UST: variants seen among roughly 807,000 people sequenced by gnomAD.
The protein encoded by UST is chondroitin sulfate 2-O-sulfotransferase.
UST carries 21 observed loss-of-function variants against 45.6 expected under a neutral mutation model. That is an observed-to-expected ratio of 0.46 (90% CI 0.33 to 0.66). The LOEUF is 0.66. Ranked by LOEUF, UST falls within the 30% of genes least tolerant of loss-of-function variation. UST has a pLI of 0.02. For synonymous variants in UST, 215 were observed against 200.6 expected, an observed-to-expected ratio of 1.07 and a Z score of -0.61; for missense variants, 463 against 512.4, an observed-to-expected ratio of 0.90 and a Z score of 0.93.
chr6:148,964,670 C>T, intron 5 of UST, 107 bp downstream of exon 5: 5 of 1,451,066 alleles, frequency 3.4e-6, no homozygotes, highest in Non-Finnish European at 4.7e-6. Context: ...TTGGCGCCTC[C>T]ATGGAGCGTG....
chr6:148,978,837 A>C (rs997076962), intron 5 of UST, among the ~76,000 whole-genome samples: 1 of 152,130 alleles, frequency 6.6e-6, no homozygotes, highest in African/African-American at 2.4e-5. Context: ...CTTAAGGTAA[A>C]AATTTTTTTA....
At chr6:149,042,736 A>G (rs1240449050) in intron 7 of UST, among the ~76,000 whole-genome samples, 4 of 152,178 alleles carry the variant, frequency 2.6e-5, no homozygotes, top group Non-Finnish European at 4.4e-5. Flanking sequence ...GAAGTTCTTA[A>G]CCTGAAGTCC....
intron 3 of UST, among the ~76,000 whole-genome samples, chr6:148,948,132 C>T (rs139868150): frequency 1.7e-3 from 264 of 152,282 alleles, no homozygotes; most frequent in Middle Eastern, 0.017. Flanking sequence ...ATCCTGCCTC[C>T]TGCTTACAAG....
In UST at chr6:148,748,526, C is replaced by A. The variant is rs895508632; in HGVS notation, c.247+849C>A. 1.3e-5 allele frequency among the ~76,000 whole-genome samples: 2 copies of A among 151,160 alleles called. No homozygotes were observed. The highest frequency in any genetic ancestry group is 6.6e-5 in the Admixed American group (1 of 15,196). The stretch of plus-strand genomic sequence containing the variant: ...GTTTGACGGGAGGGAAAGAGCCGCT[C>A]CAGCGAGAAGGCGTGACCCCGCAGC... On this transcript the variant is annotated intron_variant, in intron 1 of 7. Coordinates refer to ENST00000367463, the MANE Select transcript of UST (RefSeq NM_005715.3). The surrounding 1 kb of genome is among the most constrained non-coding windows in gnomAD (Gnocchi z 5.3).
rs78144085 is a variant in UST at position 148,830,690 on chromosome 6, T to A, written c.248-56296T>A. ...TCTACCATCAAGAAATTACGCTAAG[T>A]GAAAGGAGCAAGATGCAAAAAGACA... On this transcript the variant is annotated intron_variant, in intron 1 of 7. Transcript: ENST00000367463. 2.0e-3 allele frequency among the ~76,000 whole-genome samples: 298 copies of A among 152,178 alleles called. 1 individual carries two copies. The highest frequency in any genetic ancestry group is 7.0e-3 in the African/African-American group (292 of 41,514).
intron 1 of UST, among the ~76,000 whole-genome samples, chr6:148,862,951 T>C (rs1157839839): frequency 2.0e-5 from 3 of 152,218 alleles, no homozygotes; most frequent in Non-Finnish European, 2.9e-5. Context: ...ATTTCAACTT[T>C]GGTGAATCTG....
intron 1 of UST, among the ~76,000 whole-genome samples, chr6:148,777,669 C>T (rs796774015): frequency 7.9e-5 from 12 of 152,266 alleles, no homozygotes; most frequent in African/African-American, 2.6e-4. Flanking sequence ...CTCAGCCTCC[C>T]GAGTAGCTGG....
intron 5 of UST, among the ~76,000 whole-genome samples, chr6:149,018,139 A>G (rs4895777): frequency 0.098 from 14,953 of 152,238 alleles, 886 homozygotes; most frequent in Non-Finnish European, 0.13. Context: ...AAGAAGTATG[A>G]GGGGATTATT....
Position 148,962,784 on chromosome 6 carries a change from A to G in UST, c.528-1626A>G, listed in dbSNP as rs371727639. Among the ~76,000 whole-genome samples the G allele has an allele frequency of 9.2e-5, 14 of 152,328 alleles. No homozygotes were observed. In the East Asian group the frequency reaches 2.7e-3, roughly 29 times the overall value. On this transcript the variant is annotated intron_variant, in intron 4 of 7. Transcript: ENST00000367463. ...CTGGTGCCTGAAATTCCACTATCTC[A>G]GAGTTGTTCCTTTGGATTCTTCTCT...
intron 1 of UST, among the ~76,000 whole-genome samples, chr6:148,777,776 A>T (rs1190328425): frequency 6.6e-6 from 1 of 152,090 alleles, no homozygotes; most frequent in Non-Finnish European, 1.5e-5. Flanking sequence ...CGAACTCCTG[A>T]CCTTAGGTGA....
At chr6:148,916,025 T>A (rs1779582715) in intron 2 of UST, among the ~76,000 whole-genome samples, 1 of 152,316 alleles carries the variant, frequency 6.6e-6, no homozygotes, top group Middle Eastern at 3.4e-3. Context: ...TCTCTAAACA[T>A]TTAAGCTGCT....
chr6:148,984,993 G>C lies in UST; in HGVS notation c.681+20430G>C, dbSNP rs148829569. ...GGCTATGGAGCTAAAGGATGAAGAG[G>C]CGTTCAGGATGATTCTAGGTTTCTA... On this transcript the variant is annotated intron_variant, in intron 5 of 7. Transcript: ENST00000367463. 1.6e-3 allele frequency among the ~76,000 whole-genome samples: 248 copies of C among 152,288 alleles called. 2 individuals carry two copies. The highest frequency in any genetic ancestry group is 5.7e-3 in the African/African-American group (235 of 41,574).
At chr6:149,017,254 G>T (rs1775914132) in intron 5 of UST, among the ~76,000 whole-genome samples, 1 of 152,052 alleles carries the variant, frequency 6.6e-6, no homozygotes, top group Non-Finnish European at 1.5e-5. Flanking sequence ...GCGGGCACCT[G>T]TAGTCCCAGC....
At chr6:148,831,398 G>A (rs1024069648) in intron 1 of UST, among the ~76,000 whole-genome samples, 4 of 152,086 alleles carry the variant, frequency 2.6e-5, no homozygotes, top group South Asian at 2.1e-4. Flanking sequence ...TAGGAAATTC[G>A]CCTTATAGTT....
chr6:148,986,199 G>A (rs1005658457), intron 5 of UST, among the ~76,000 whole-genome samples: 7 of 152,124 alleles, frequency 4.6e-5, no homozygotes, highest in Non-Finnish European at 8.8e-5. Context: ...TGATAAAATC[G>A]AACAAAGCAG....
intron 2 of UST, among the ~76,000 whole-genome samples, chr6:148,913,884 T>C (rs1779528965): frequency 6.6e-6 from 1 of 152,222 alleles, no homozygotes; most frequent in Non-Finnish European, 1.5e-5. Context: ...TATACATTAA[T>C]CTTCTAGCTG....
At chr6:148,920,867 T>C (rs1779691081) in intron 2 of UST, among the ~76,000 whole-genome samples, 1 of 152,184 alleles carries the variant, frequency 6.6e-6, no homozygotes, top group Non-Finnish European at 1.5e-5. Context: ...CTTTAAGAGA[T>C]GGTGTGTTAT....
At chr6:148,944,413 G>T (rs548599947) in intron 3 of UST, among the ~76,000 whole-genome samples, 12 of 151,842 alleles carry the variant, frequency 7.9e-5, no homozygotes, top group African/African-American at 2.9e-4. Context: ...TCTAAGACCA[G>T]ATTATCTATT....
intron 1 of UST, among the ~76,000 whole-genome samples, chr6:148,833,965 G>C (rs1448739441): frequency 6.6e-6 from 1 of 152,190 alleles, no homozygotes; most frequent in East Asian, 1.9e-4. Flanking sequence ...GATTTTGACA[G>C]AGGTAGTTGC....
Sources: gnomAD v4.1 joint callset for allele counts (sites outside exome capture counted in the v4.1 genomes callset) on GRCh38, gnomAD v4.1.1 for gene constraint, Gnocchi (gnomAD v3.1) non-coding constraint, MANE v1.5 for transcripts, NCBI Gene and HGNC (gene_info 2026-07-23, HGNC 2026-07-21) for gene names.